The following DMD variants were observed in gnomAD, a reference collection of about 807,000 sequenced individuals.
The protein encoded by DMD is mutant dystrophin.
A neutral mutation model predicts 330.1 loss-of-function variants in DMD; 63 were observed. The ratio of observed to expected loss-of-function variants is 0.19; its 90% confidence interval spans 0.16 to 0.24. DMD has a LOEUF of 0.24. Among genes scored for constraint, DMD ranks in the 10% least tolerant of loss-of-function variants. The pLI, the probability that DMD is intolerant of heterozygous loss-of-function variation, is 1.00. For missense variants in DMD, 3,344 were observed against 2,684.1 expected (o/e 1.25, Z -5.43); for synonymous variants, 1,223 against 959.8 (o/e 1.27, Z -5.07).
chrX:31,657,541 C>T (rs192586772), intron 54 of DMD, among the ~76,000 whole-genome samples: 2 of 111,338 alleles, frequency 1.8e-5, no homozygotes, highest in African/African-American at 6.5e-5. Context: ...ATATTGCCCT[C>T]CACAAATTTT....
intron 1 of DMD, among the ~76,000 whole-genome samples, chrX:33,051,215 T>TC (rs940695351): frequency 9.5e-6 from 1 of 105,081 alleles, no homozygotes; most frequent in Admixed American, 1.0e-4. Flanking sequence ...GACTTTTCTT[T>TC]TTTTTTTTTT....
intron 2 of DMD, among the ~76,000 whole-genome samples, chrX:33,001,306 G>A: frequency 8.9e-6 from 1 of 111,944 alleles, no homozygotes; most frequent in South Asian, 3.7e-4. Context: ...TCATTCTTTG[G>A]CCTTCAGGGA....
chrX:31,348,657 G>C, intron 60 of DMD, 23 bp from the exon 61 acceptor site: 1 of 1,146,507 alleles, frequency 8.7e-7, no homozygotes, highest in African/African-American at 1.8e-5. Context: ...GGAGAGAAAT[G>C]ATGTTCTCTC....
intron 13 of DMD, among the ~76,000 whole-genome samples, chrX:32,581,214 T>C (rs113339552): frequency 0.012 from 1,365 of 112,315 alleles, 18 homozygotes; most frequent in African/African-American, 0.042. Flanking sequence ...CAACTTTTCA[T>C]CCACAAGAAA....
intron 47 of DMD, among the ~76,000 whole-genome samples, chrX:31,906,696 A>G (rs940693969): frequency 7.2e-5 from 8 of 111,235 alleles, no homozygotes; most frequent in Admixed American, 3.8e-4. Context: ...TGAATTTTCC[A>G]GAGATATCCT....
rs1196829283 is a variant in DMD, at chrX:33,009,997, C to CAT, written c.93+10141_93+10142insAT. Among the ~76,000 whole-genome samples, 6 of 25,352 alleles carry CAT rather than the reference C, an allele frequency of 2.4e-4. 2 individuals carry two copies. The highest frequency in any genetic ancestry group is 7.5e-4 in the African/African-American group (4 of 5,349). 22.0% of individuals were successfully genotyped at this position (25,352 alleles called of 115,157 possible). On this transcript the variant is annotated intron_variant, in intron 2 of 78. Coordinates refer to ENST00000357033, the MANE Select transcript of DMD (RefSeq NM_004006.3). ...GTGTATACACATGTGTGTATATACA[C>CAT]GTATGTATGTGTATATACACATATG...
chrX:33,303,729 G>A (rs1431864271), intron 1 of DMD, among the ~76,000 whole-genome samples: 4 of 111,312 alleles, frequency 3.6e-5, no homozygotes, highest in East Asian at 2.9e-4. Flanking sequence ...CCTTGCTGCC[G>A]CCATGTGATG....
rs1342517237 is a variant in DMD, at chrX:32,335,881, G to A, written c.5922+6219C>T. Reference sequence around the variant, plus strand: ...ATTCAACGTTATATGTGTATAACATGTTATATATAACATGTTATACATATA... The same window carrying A: ...ATTCAACGTTATATGTGTATAACATATTATATATAACATGTTATACATATA... On this transcript the variant is annotated intron_variant, in intron 41 of 78. Transcript: ENST00000357033. 5.8e-5 allele frequency among the ~76,000 whole-genome samples: 6 copies of A among 103,140 alleles called. No individual in the cohort carries two copies. The Admixed American group carries it at 6.3e-4, about 11-fold the overall frequency. 89.6% of individuals were successfully genotyped at this position (103,140 alleles called of 115,157 possible). A position where few individuals can be genotyped will look rare whatever the true frequency, so the allele number is the denominator to read the frequency against.
chrX:31,248,317 G>C (rs753017717), intron 63 of DMD, among the ~76,000 whole-genome samples: 9 of 112,048 alleles, frequency 8.0e-5, no homozygotes, highest in Non-Finnish European at 5.6e-5. Context: ...TCCAAGGTAT[G>C]TCTGTATTTA....
At chrX:33,057,647 C>G (rs1219824833) in intron 1 of DMD, among the ~76,000 whole-genome samples, 1 of 111,306 alleles carries the variant, frequency 9.0e-6, no homozygotes, top group Non-Finnish European at 1.9e-5. Flanking sequence ...ATGCTCTTTC[C>G]CAATTCACAC....
chrX:32,707,208 T>A (rs2064756686), intron 7 of DMD, among the ~76,000 whole-genome samples: 1 of 112,160 alleles, frequency 8.9e-6, no homozygotes, highest in African/African-American at 3.2e-5. Flanking sequence ...AATACAATGG[T>A]AAATAAATGA....
chrX:32,781,416 TA>T (rs1384861977), intron 7 of DMD, among the ~76,000 whole-genome samples: 1 of 112,088 alleles, frequency 8.9e-6, no homozygotes, highest in East Asian at 2.8e-4. Flanking sequence ...AATATTGTAC[TA>T]AACAGTATTG....
intron 55 of DMD, among the ~76,000 whole-genome samples, chrX:31,549,603 C>T (rs895233576): frequency 8.0e-5 from 9 of 112,077 alleles, no homozygotes; most frequent in African/African-American, 2.6e-4. Context: ...AGTTCTTATG[C>T]TTGATATACT....
intron 57 of DMD, among the ~76,000 whole-genome samples, chrX:31,491,342 A>G (rs953913843): frequency 3.6e-5 from 4 of 112,054 alleles, no homozygotes; most frequent in African/African-American, 1.3e-4. Context: ...TAATCACAGA[A>G]GTAGACAAGT....
chrX:31,945,457 C>T (rs1168114828), intron 45 of DMD, among the ~76,000 whole-genome samples: 2 of 112,082 alleles, frequency 1.8e-5, no homozygotes, highest in African/African-American at 6.5e-5. Flanking sequence ...CTGCCTCAGC[C>T]TCCGAGTAGC....
At chrX:31,249,965 A>G (rs1318273761) in intron 63 of DMD, among the ~76,000 whole-genome samples, 1 of 111,682 alleles carries the variant, frequency 9.0e-6, no homozygotes, top group Admixed American at 9.5e-5. Context: ...TATTTAATAC[A>G]TCACATAACT....
intron 13 of DMD, among the ~76,000 whole-genome samples, chrX:32,577,604 G>T (rs1275821392): frequency 8.9e-6 from 1 of 111,901 alleles, no homozygotes; most frequent in East Asian, 2.8e-4. Context: ...AACTGCCAAG[G>T]GTCATCTATT....
chrX:32,139,957 T>C (rs1280589837), intron 44 of DMD, among the ~76,000 whole-genome samples: 2 of 112,435 alleles, frequency 1.8e-5, no homozygotes, highest in Non-Finnish European at 3.8e-5. Flanking sequence ...ATAGTTGCTA[T>C]ATCAACAGGA....
At chrX:32,358,740 G>A (rs973256994) in intron 37 of DMD, among the ~76,000 whole-genome samples, 3 of 111,143 alleles carry the variant, frequency 2.7e-5, no homozygotes, top group Non-Finnish European at 5.7e-5. Flanking sequence ...GATTACAGCA[G>A]AGACCACAGA....
Sources: allele counts gnomAD v4.1 joint callset (sites outside exome capture counted in the v4.1 genomes callset), GRCh38; gene constraint gnomAD v4.1.1; transcripts MANE v1.5; gene names NCBI Gene and HGNC (gene_info 2026-07-23, HGNC 2026-07-21).